Variants in TRMT1 observed in about 807,000 individuals in gnomAD.
TRMT1 encodes the protein tRNA (guanine(26)-N(2))-dimethyltransferase.
Under a neutral mutation model 75.4 loss-of-function variants are expected in TRMT1, and 63 were observed. The ratio of observed to expected loss-of-function variants is 0.84; its 90% CI spans 0.68 to 1.03. The LOEUF is 1.03. Ranked by LOEUF, TRMT1 falls within the 50% of genes least tolerant of loss-of-function variation. The probability of loss-of-function intolerance (pLI) is 0.00; values close to 1 mark genes in which losing one functional copy is unlikely to be tolerated. For synonymous variants in TRMT1, 382 were observed against 358.1 expected (o/e 1.07, Z -0.75); for missense variants, 870 against 905.3 (o/e 0.96, Z 0.50).
At chr19:13,109,894 T>G in intron 9 of TRMT1, 21 bp downstream of exon 9, 2 of 1,614,058 alleles carry the variant, frequency 1.2e-6, no homozygotes, top group Non-Finnish European at 1.7e-6. Flanking sequence ...ACTCCCCTTC[T>G]TCTCCTTCCT....
In TRMT1 at chr19:13,112,999, G is replaced by C. The variant is rs1359455646; in HGVS notation, c.654C>G (p.Tyr218Ter). The C allele has an allele frequency of 8.7e-6, 14 of 1,610,998 alleles. No individual in the cohort carries two copies. Among genetic ancestry groups the C allele is most frequent in the Non-Finnish European group, 1.2e-5 (14 of 1,178,536 alleles). Residue 218 changes from tyrosine to a stop codon, truncating the protein, a stop_gained, in exon 6 of 17, where the codon TAC (tyrosine) becomes TAG (stop). Transcript: ENST00000357720. LOFTEE classifies it high-confidence loss of function. ...PSQADARMLM[Y>*]QHQRVSERFD... ...ACCTCTCCGACACCCTCTGGTGCTG[G>C]TACATCAGCATCCTGGGTGCAAAGA...
At position 13,115,263 on chromosome 19, in the gene TRMT1, G is replaced by C. The variant is rs1238981444; in HGVS notation, c.641+16C>G. ...CAGGCTTGTCCCAGAGCTAGGCTGT[G>C]ATGCCCAGAACCTACCGGGCATCTG... On this transcript the variant is annotated intron_variant, in intron 5 of 16. Transcript: ENST00000357720. The C allele has an allele frequency of 1.2e-6, 2 of 1,600,788 alleles. No homozygotes were observed. Among genetic ancestry groups the C allele is most frequent in the African/African-American group, 1.3e-5 (1 of 74,688 alleles).
chr19:13,116,445 C>T lies in TRMT1; in HGVS notation c.-32-14G>A, dbSNP rs1396337447. ...CGCCCGCCAAGCCTGGTTCGGGGGG[C>T]GGGGGAGGGCACAGAGAGGGTCAGA... On this transcript the variant is annotated splice_polypyrimidine_tract_variant and intron_variant, in intron 1 of 16. Transcript: ENST00000357720. 2.5e-6 allele frequency: 4 copies of T among 1,572,862 alleles called. No homozygotes were observed. Among genetic ancestry groups the T allele is most frequent in the African/African-American group, 1.4e-5 (1 of 74,056 alleles).
intron 12 of TRMT1, among the ~76,000 whole-genome samples, chr19:13,108,912 ATTTTTTT>A (rs74181811): frequency 1.6e-5 from 2 of 126,078 alleles, no homozygotes; most frequent in Admixed American, 8.2e-5. Flanking sequence ...GCCTGGCCTA[ATTTTTTT>A]TTTTTTTTTT....
rs1380015054 is a variant in TRMT1, at chr19:13,105,227, CAT to C, written c.1833+38_1833+39del. ...CTCCCTGTTGCCCAAAGGGGAGACTCATGTGTCCTGCAGTGGAGGAAAGGGAG... is the reference window on the plus strand; with the variant it reads ...CTCCCTGTTGCCCAAAGGGGAGACTCGTGTCCTGCAGTGGAGGAAAGGGAG... On this transcript the variant is annotated intron_variant, in intron 16 of 16. Transcript: ENST00000357720. The C allele has an allele frequency of 8.8e-6, 14 of 1,594,522 alleles. No individual in the cohort carries two copies. The Admixed American group carries it at 1.0e-4, about 12-fold the overall frequency.
chr19:13,114,569 G>A lies in TRMT1; in HGVS notation c.641+710C>T, dbSNP rs541716272. On this transcript the variant is annotated intron_variant, in intron 5 of 16. Transcript: ENST00000357720. ...GCTACTCAGTCGGGAGGCTAAGGCA[G>A]GAGAATCACTTGAACCTGGGAGGCG... Among the ~76,000 whole-genome samples, 388 of 152,344 alleles carry A rather than the reference G, an allele frequency of 2.5e-3. 2 individuals are homozygous for A. The highest frequency in any genetic ancestry group is 8.9e-3 in the African/African-American group (371 of 41,576).
chr19:13,106,274 T>C (rs2018864381), intron 14 of TRMT1, among the ~76,000 whole-genome samples: 1 of 108,338 alleles, frequency 9.2e-6, no homozygotes, highest in South Asian at 2.8e-4. Context: ...TCTTAATTAC[T>C]GTGTTGCCCA....
intron 7 of TRMT1, among the ~76,000 whole-genome samples, chr19:13,110,613 C>A (rs2019104608): frequency 6.6e-6 from 1 of 152,186 alleles, no homozygotes; most frequent in Admixed American, 6.5e-5. Flanking sequence ...TACTGAGGAC[C>A]CACGTTCCAG....
chr19:13,105,748 A>G (rs2018839144), intron 14 of TRMT1, 142 bp from the exon 15 acceptor site: 2 of 929,454 alleles, frequency 2.2e-6, no homozygotes, highest in Admixed American at 3.0e-5. Context: ...TCTAATAAAC[A>G]TTTTTGGTTT....
intron 7 of TRMT1, among the ~76,000 whole-genome samples, chr19:13,111,941 C>T (rs1323835763): frequency 2.6e-5 from 4 of 151,426 alleles, no homozygotes; most frequent in African/African-American, 9.7e-5. Context: ...CCTCATGATC[C>T]GCCCACCTCG....
chr19:13,109,703 C>G lies in TRMT1; in HGVS notation c.1177-19G>C, dbSNP rs372988767. ...CACCAAGCTGGGGGCGCACCGGGGA[C>G]AGGTGAGCAGGGACTATGACCTTCA... On this transcript the variant is annotated intron_variant, in intron 10 of 16. Transcript: ENST00000357720. 3.7e-6 allele frequency: 6 copies of G among 1,613,944 alleles called. No individual in the cohort carries two copies. Among genetic ancestry groups the G allele is most frequent in the Non-Finnish European group, 5.1e-6 (6 of 1,179,982 alleles).
At chr19:13,112,663 T>G in intron 7 of TRMT1, 42 bp downstream of exon 7, 1 of 1,581,628 alleles carries the variant, frequency 6.3e-7, no homozygotes, top group Middle Eastern at 1.7e-4. Context: ...GACAACCACC[T>G]GTCCCCCGGT....
chr19:13,111,899 C>G (rs192409471), intron 7 of TRMT1, among the ~76,000 whole-genome samples: 30 of 150,366 alleles, frequency 2.0e-4, no homozygotes, highest in African/African-American at 7.3e-4. Flanking sequence ...TCAGATTTCA[C>G]CATGTTAGCC....
rs773045467 is a variant in TRMT1, at chr19:13,105,526, G to A, written c.1664C>T (p.Pro555Leu). The change falls in exon 15 of 17, where the codon CCG becomes CTG. Residue 555 changes from proline (P) to leucine (L), a missense_variant. Pro to Leu is a moderately conservative substitution (Grantham distance 98, BLOSUM62 -3). Transcript: ENST00000357720. ...QRGLKRFQAN[P>L]EANWGPRPRA... Reference sequence around the variant, plus strand: ...AGGCCGGGGACCCCAGTTGGCCTCCGGGTTAGCCTGGAAGCGCTTGAGTCC... The same window carrying A: ...AGGCCGGGGACCCCAGTTGGCCTCCAGGTTAGCCTGGAAGCGCTTGAGTCC... 3.7e-6 allele frequency: 6 copies of A among 1,613,926 alleles called. No homozygotes were observed. Among genetic ancestry groups the A allele is most frequent in the East Asian group, 2.2e-5 (1 of 44,880 alleles).
chr19:13,106,675 C>T (rs1232592632), intron 14 of TRMT1, among the ~76,000 whole-genome samples: 2 of 142,390 alleles, frequency 1.4e-5, no homozygotes, highest in Non-Finnish European at 3.0e-5. Flanking sequence ...TTAGTAGAGA[C>T]AGGGTTTCGT....
chr19:13,116,606 C>G, intron 1 of TRMT1, 47 bp downstream of exon 1: 2 of 697,280 alleles, frequency 2.9e-6, no homozygotes, highest in Non-Finnish European at 4.6e-6. Flanking sequence ...TCGTGCAGGC[C>G]CGCCCCGAGT....
intron 5 of TRMT1, among the ~76,000 whole-genome samples, chr19:13,114,598 G>C (rs1365872522): frequency 6.6e-6 from 1 of 152,156 alleles, no homozygotes; most frequent in African/African-American, 2.4e-5. Context: ...GGAGGCGGAG[G>C]TTGCAGTGAG....
intron 12 of TRMT1, 93 bp downstream of exon 12, chr19:13,109,288 C>A: frequency 3.5e-6 from 5 of 1,437,138 alleles, no homozygotes; most frequent in Non-Finnish European, 2.9e-6. Context: ...TTCTCCCCAC[C>A]CCCTCGCAAG....
In TRMT1 at chr19:13,115,671, G is replaced by C. The variant is rs1465572034; in HGVS notation, c.408C>G (p.Ala136=). 1.4e-5 allele frequency: 22 copies of C among 1,614,024 alleles called. No individual in the cohort carries two copies. The highest frequency in any genetic ancestry group is 1.7e-5 in the Non-Finnish European group (20 of 1,180,014). ...CCGCTGTGCGAGGTTGGTCTCCTGA[G>C]GCCAGGTTTTCACTCTCTTTCAGTT... The part of the protein sequence containing the change: ...KVELKESENL[A]SGDQPRTAAV... The change falls in exon 4 of 17, where the codon GCC becomes GCG. Residue 136 remains alanine (A), a synonymous_variant. Transcript: ENST00000357720.
Sources: gnomAD v4.1 joint callset for allele counts (sites outside exome capture counted in the v4.1 genomes callset) on GRCh38, gnomAD v4.1.1 for gene constraint, MANE v1.5 for transcripts, NCBI Gene and HGNC (gene_info 2026-07-23, HGNC 2026-07-21) for gene names.